Variants in PDCD2 observed in about 807,000 individuals in gnomAD.
The protein encoded by PDCD2 is uS5 assembly chaperone PDCD2.
A neutral mutation model predicts 38.1 loss-of-function variants in PDCD2; 38 were observed. The ratio of observed to expected loss-of-function variants is 1.00; its 90% CI spans 0.77 to 1.31. The LOEUF (loss-of-function observed/expected upper bound fraction) is 1.31, where lower values mean the gene tolerates loss of function less well. Ranked by LOEUF, PDCD2 falls within the 50% of genes most tolerant of loss-of-function variation. The probability of loss-of-function intolerance (pLI) is 0.00; values close to 1 mark genes in which losing one functional copy is unlikely to be tolerated. For missense variants in PDCD2, 473 were observed against 435.7 expected (o/e 1.09, Z -0.76); for synonymous variants, 205 against 168.9 (o/e 1.21, Z -1.66).
intron 3 of PDCD2, among the ~76,000 whole-genome samples, 174 bp from the exon 4 acceptor site, chr6:170,580,279 C>G (rs1779558375): frequency 6.6e-6 from 1 of 152,210 alleles, no homozygotes. Flanking sequence ...TATGGACTTC[C>G]ATTTAGTGCA....
chr6:170,582,521 C>T (rs904556765), intron 3 of PDCD2: 22 of 1,353,404 alleles, frequency 1.6e-5, no homozygotes, highest in African/African-American at 1.3e-4. Context: ...TCTGCTGTCA[C>T]GATTTTAATG....
At position 170,577,618 on chromosome 6, in the gene PDCD2, A is replaced by G. The variant is rs1165785987; in HGVS notation, c.976T>C (p.Leu326=). The part of the protein sequence containing the change: ...AVFTCAESCS[L]GTGYTEEFVW... ...AATTCTTCTGTATAGCCAGTACCCA[A>G]GCTGCAGCTCTCAGCACAGGTGAAG... Residue 326 remains leucine, a synonymous_variant, in exon 6 of 6, where the codon TTG becomes CTG. Transcript: ENST00000541970. 1.9e-6 allele frequency: 3 copies of G among 1,613,990 alleles called. No homozygotes were observed. In the African/African-American group the frequency reaches 4.0e-5, roughly 22 times the overall value.
At position 170,584,419 on chromosome 6, in the gene PDCD2, C is replaced by G; in HGVS notation, c.163G>C (p.Gly55Arg). Residue 55 changes from glycine to arginine, a missense_variant, in exon 1 of 6, where the codon GGC (glycine) becomes CGC (arginine). Physicochemically the swap from Gly to Arg is moderately radical, Grantham distance 125. Coordinates refer to ENST00000541970, the MANE Select transcript of PDCD2 (RefSeq NM_002598.4). ...GPQALACELC[G>R]RPLSFLLQVY... ...TGCAGCAGGAAGGAGAGCGGGCGGC[C>G]GCACAGCTCGCAGGCCAGGGCCTGG... 1 of 1,403,916 alleles carries G rather than the reference C, an allele frequency of 7.1e-7. No homozygotes were observed. Among genetic ancestry groups the G allele is most frequent in the South Asian group, 1.7e-5 (1 of 59,802 alleles). 87.0% of individuals were successfully genotyped at this position (1,403,916 alleles called of 1,614,324 possible).
At position 170,578,744 on chromosome 6, in the gene PDCD2, C is replaced by T. The variant is rs1050007625; in HGVS notation, c.876+113G>A. 1.7e-4 allele frequency: 131 copies of T among 753,582 alleles called. No individual in the cohort carries two copies. The African/African-American group carries it at 2.1e-3, about 12-fold the overall frequency. 46.7% of individuals were successfully genotyped at this position (753,582 alleles called of 1,614,324 possible). A position where few individuals can be genotyped will look rare whatever the true frequency, so the allele number is the denominator to read the frequency against. On this transcript the variant is annotated intron_variant, in intron 5 of 5. Transcript: ENST00000541970. ...AACTGATGATTTTCATTATAGGGTACCCTTCCATACTGCCATGTTGACCCA... is the reference window on the plus strand; with the variant it reads ...AACTGATGATTTTCATTATAGGGTATCCTTCCATACTGCCATGTTGACCCA...
rs773206106 is a variant in PDCD2, at chr6:170,584,592, G to A, written c.-11C>T. On this transcript the variant is annotated 5_prime_UTR_variant, in exon 1 of 6. Coordinates refer to ENST00000541970, the MANE Select transcript of PDCD2 (RefSeq NM_002598.4). Reference sequence around the variant, plus strand: ...CCCGGCGGCAGCCATGCGGGGCGCGGGCTGGCGTGGGGCGCAGCCCACAGC... The same window carrying A: ...CCCGGCGGCAGCCATGCGGGGCGCGAGCTGGCGTGGGGCGCAGCCCACAGC... 45 of 1,256,014 alleles carry A rather than the reference G, an allele frequency of 3.6e-5. No homozygotes were observed. The South Asian group carries it at 1.1e-3, about 30-fold the overall frequency. 77.8% of individuals were successfully genotyped at this position (1,256,014 alleles called of 1,614,324 possible). A position where few individuals can be genotyped will look rare whatever the true frequency, so the allele number is the denominator to read the frequency against.
chr6:170,580,752 C>T (rs758796243), intron 3 of PDCD2, among the ~76,000 whole-genome samples: 9 of 152,152 alleles, frequency 5.9e-5, no homozygotes, highest in Non-Finnish European at 1.3e-4. Context: ...CACATTCCTT[C>T]CTGGGATTAC....
intron 4 of PDCD2, chr6:170,579,427 A>G (rs551314320): frequency 6.3e-6 from 1 of 157,640 alleles, no homozygotes; most frequent in East Asian, 1.9e-4. Context: ...TCCTACAGCA[A>G]CTGAGTGGTT....
Position 170,577,670 on chromosome 6 carries a change from C to T in PDCD2, c.924G>A (p.Lys308=), listed in dbSNP as rs945102314. The T allele has an allele frequency of 1.2e-5, 20 of 1,613,558 alleles. No homozygotes were observed. Among genetic ancestry groups the T allele is most frequent in the Non-Finnish European group, 1.7e-5 (20 of 1,179,994 alleles). The part of the protein sequence containing the change: ...LNYLKADRLG[K]SIDWGILAVF... ...CAGCCAGGATGCCCCAGTCAATGCT[C>T]TTGCCCAGTCTGTCAGCCTTCAGGT... Residue 308 remains lysine (K), a synonymous_variant, in exon 6 of 6, where the codon AAG becomes AAA. Coordinates refer to ENST00000541970, the MANE Select transcript of PDCD2 (RefSeq NM_002598.4).
In PDCD2 at chr6:170,583,677, T is replaced by A; in HGVS notation, c.354A>T (p.Pro118=). The A allele has an allele frequency of 6.2e-7, 1 of 1,614,032 alleles. No homozygotes were observed. Among genetic ancestry groups the A allele is most frequent in the Non-Finnish European group, 8.5e-7 (1 of 1,179,902 alleles). Residue 118 remains proline (P), a synonymous_variant, in exon 2 of 6, where the codon CCA becomes CCT. Transcript: ENST00000541970. The stretch of plus-strand genomic sequence containing the variant: ...GGAGACACACTGATTCTCCTGTTTC[T>A]GGGGGAGGATTCTCAGAAGGTGGCT... The part of the protein sequence containing the change: ...SYEPPSENPP[P]ETGESVCLQL...
At position 170,584,375 on chromosome 6, in the gene PDCD2, A is replaced by C. The variant is rs780328713; in HGVS notation, c.207T>G (p.Pro69=). 6.7e-7 allele frequency: 1 copy of C among 1,492,196 alleles called. No individual in the cohort carries two copies. 92.4% of individuals were successfully genotyped at this position (1,492,196 alleles called of 1,614,324 possible). ...AGCGGTGGAAGGCGTCCGGGCGGCC[A>C]GGCAGCGGCGCATACACCTGCAGCA... is the stretch of plus-strand genomic sequence containing the variant. ...SFLLQVYAPL[P]GRPDAFHRCI... is the part of the protein sequence containing the mutation. The change falls in exon 1 of 6, where the codon CCT becomes CCG. Residue 69 remains proline (P), a synonymous_variant. Transcript: ENST00000541970.
intron 3 of PDCD2, chr6:170,582,028 C>T (rs1583142387): frequency 1.5e-6 from 2 of 1,303,360 alleles, no homozygotes; most frequent in East Asian, 5.5e-5. Flanking sequence ...TCCTGCTACT[C>T]TAGGCTCTCC....
Position 170,584,545 on chromosome 6 carries a change from A to T in PDCD2, c.37T>A (p.Phe13Ile), listed in dbSNP as rs548662103. Residue 13 changes from phenylalanine (F) to isoleucine (I), a missense_variant, in exon 1 of 6, where the codon TTC (phenylalanine) becomes ATC (isoleucine). Phe to Ile is a conservative substitution (Grantham distance 21). Transcript: ENST00000541970. Reference protein sequence around the residue: ...AAGARPVELGFAESAPAWRLR... With the variant: ...AAGARPVELGIAESAPAWRLR... ...CGCCACGCCGGCGCCGACTCGGCGAAGCCCAGCTCCACAGGCCTGGCCCCG... is the reference window on the plus strand; with the variant it reads ...CGCCACGCCGGCGCCGACTCGGCGATGCCCAGCTCCACAGGCCTGGCCCCG... 2.2e-3 allele frequency: 2,959 copies of T among 1,358,712 alleles called. 3 individuals are homozygous for T. Among genetic ancestry groups the T allele is most frequent in the Non-Finnish European group, 2.6e-3 (2,764 of 1,057,988 alleles). The allele number at this position is 1,358,712 out of a possible 1,614,324, so 84.2% of individuals were successfully genotyped here. A position where few individuals can be genotyped will look rare whatever the true frequency, so the allele number is the denominator to read the frequency against.
rs1344966880 is a variant in PDCD2, at chr6:170,575,610, T to C, written c.*1949A>G. ...CTTAATGCATTTTTTAATTTAAATT[T>C]TTTATGTTGTACAGTTTATTTTAAA... On this transcript the variant is annotated 3_prime_UTR_variant, in exon 6 of 6. Transcript: ENST00000541970. 6.6e-6 allele frequency: 1 copy of C among 152,200 alleles called. No homozygotes were observed. The highest frequency in any genetic ancestry group is 6.5e-5 in the Admixed American group (1 of 15,282). 9.4% of individuals were successfully genotyped at this position (152,200 alleles called of 1,614,324 possible).
At chr6:170,583,296 A>G (rs1294701502) in intron 2 of PDCD2, 108 bp from the exon 3 acceptor site, 2 of 931,274 alleles carry the variant, frequency 2.1e-6, no homozygotes, top group African/African-American at 1.7e-5. Context: ...CATTTTAGAT[A>G]AAGGGTCATA....
intron 3 of PDCD2, chr6:170,582,178 A>G: frequency 6.6e-7 from 1 of 1,507,940 alleles, no homozygotes; most frequent in Non-Finnish European, 8.9e-7. Context: ...CAGTCATTAT[A>G]TGGACTTTAA....
intron 3 of PDCD2, 60 bp downstream of exon 3, chr6:170,582,997 G>C: frequency 6.4e-7 from 1 of 1,569,042 alleles, no homozygotes; most frequent in East Asian, 2.2e-5. Flanking sequence ...GGCACATGGA[G>C]CCCTTTCTTC....
At position 170,583,146 on chromosome 6, in the gene PDCD2, G is replaced by A. The variant is rs932358258; in HGVS notation, c.569C>T (p.Pro190Leu). 2.5e-6 allele frequency: 4 copies of A among 1,612,366 alleles called. No individual in the cohort carries two copies. The highest frequency in any genetic ancestry group is 3.4e-6 in the Non-Finnish European group (4 of 1,179,330). Residue 190 changes from proline (P) to leucine (L), a missense_variant, in exon 3 of 6, where the codon CCA (proline) becomes CTA (leucine). Coordinates refer to ENST00000541970, the MANE Select transcript of PDCD2 (RefSeq NM_002598.4). ...HIIPDHNFLF[P>L]EFEIVIETED... ...TGTTTCTATTACAATTTCAAATTCTGGAAAAAGGAAGTTGTGGTCTGGAAT... is the reference window on the plus strand; with the variant it reads ...TGTTTCTATTACAATTTCAAATTCTAGAAAAAGGAAGTTGTGGTCTGGAAT...
At position 170,584,355 on chromosome 6, in the gene PDCD2, T is replaced by C; in HGVS notation, c.227A>G (p.His76Arg). 6.7e-7 allele frequency: 1 copy of C among 1,496,626 alleles called. No individual in the cohort carries two copies. 92.7% of individuals were successfully genotyped at this position (1,496,626 alleles called of 1,614,324 possible). The change falls in exon 1 of 6, where the codon CAC (histidine) becomes CGC (arginine). Residue 76 changes from histidine (H) to arginine (R), a missense_variant. His to Arg is a conservative substitution (Grantham distance 29). Coordinates refer to ENST00000541970, the MANE Select transcript of PDCD2 (RefSeq NM_002598.4). ...APLPGRPDAFHRCIFLFCCRE... is the reference protein window; with the variant it reads ...APLPGRPDAFRRCIFLFCCRE... Reference sequence around the variant, plus strand: ...GCAGCAGAAGAGGAAGATGCAGCGGTGGAAGGCGTCCGGGCGGCCAGGCAG... The same window carrying C: ...GCAGCAGAAGAGGAAGATGCAGCGGCGGAAGGCGTCCGGGCGGCCAGGCAG...
rs755678073 is a variant in PDCD2 at position 170,577,584 on chromosome 6, T to C, written c.1010A>G (p.Lys337Arg). The change falls in exon 6 of 6, where the codon AAG becomes AGG. Residue 337 changes from lysine to arginine, a missense_variant. Transcript: ENST00000541970. Reference sequence around the variant, plus strand: ...TTACGGTGTATCTGTTACATCCTGCTTCCACACAAATTCTTCTGTATAGCC... The same window carrying C: ...TTACGGTGTATCTGTTACATCCTGCCTCCACACAAATTCTTCTGTATAGCC... ...GTGYTEEFVW[K>R]QDVTDTP is the part of the protein sequence containing the mutation. The C allele has an allele frequency of 6.2e-7, 1 of 1,614,180 alleles. No homozygotes were observed. Among genetic ancestry groups the C allele is most frequent in the Non-Finnish European group, 8.5e-7 (1 of 1,180,004 alleles).
Sources: allele counts gnomAD v4.1 joint callset (sites outside exome capture counted in the v4.1 genomes callset), GRCh38; gene constraint gnomAD v4.1.1; transcripts MANE v1.5; gene names NCBI Gene and HGNC (gene_info 2026-07-23, HGNC 2026-07-21).